Variants in ANKRD36C observed in about 807,000 individuals in gnomAD.
ANKRD36C encodes the protein ankyrin repeat domain-containing protein 36C.
A neutral mutation model predicts 276.4 loss-of-function variants in ANKRD36C; 61 were observed. The ratio of observed to expected loss-of-function variants is 0.22; its 90% CI spans 0.18 to 0.27. The LOEUF is 0.27. ANKRD36C is among the 10% of genes least tolerant of loss of function. The probability of loss-of-function intolerance (pLI) is 1.00; values close to 1 mark genes in which losing one functional copy is unlikely to be tolerated. For missense variants in ANKRD36C, 1,447 were observed against 2,032.3 expected (o/e 0.71, Z 5.54); for synonymous variants, 483 against 680.1 (o/e 0.71, Z 4.51).
rs575260668 is a variant in ANKRD36C at position 95,855,836 on chromosome 2, T to C, written c.4425A>G (p.Leu1475=). ...ATGAGTGACTTTGATCATGATCACA[T>C]AGAGCAGCATTCAGTCTACAACGGT... The change falls in exon 63 of 67, where the codon CTA becomes CTG. Residue 1475 remains leucine (L), a synonymous_variant. Transcript: ENST00000456556. 2.9e-5 allele frequency: 47 copies of C among 1,613,880 alleles called. No individual in the cohort carries two copies. The South Asian group carries it at 4.6e-4, about 16-fold the overall frequency.
At chr2:95,882,942 G>A (rs1443326916) in intron 54 of ANKRD36C, among the ~76,000 whole-genome samples, 2 of 152,094 alleles carry the variant, frequency 1.3e-5, no homozygotes, top group Non-Finnish European at 2.9e-5. Context: ...AACTTGCCTG[G>A]TAATTGAGGA....
chr2:95,970,387 A>G (rs1678673543), intron 6 of ANKRD36C, among the ~76,000 whole-genome samples: 1 of 152,200 alleles, frequency 6.6e-6, no homozygotes, highest in Admixed American at 6.5e-5. Flanking sequence ...CTCCCTTAAA[A>G]GCTTATCCAA....
chr2:95,927,636 G>A (rs1181073983), intron 26 of ANKRD36C, among the ~76,000 whole-genome samples: 1 of 151,502 alleles, frequency 6.6e-6, no homozygotes, highest in Non-Finnish European at 1.5e-5. Flanking sequence ...GGTATGATTC[G>A]TGATATGTCT....
chr2:95,944,748 T>G (rs1204587105), intron 18 of ANKRD36C, 54 bp from the exon 19 acceptor site: 3 of 1,525,624 alleles, frequency 2.0e-6, no homozygotes, highest in Non-Finnish European at 1.8e-6. Context: ...TAAGAATCAG[T>G]AAATAAGAAC....
At chr2:95,861,619 A>C (rs1675584928) in intron 60 of ANKRD36C, among the ~76,000 whole-genome samples, 1 of 151,996 alleles carries the variant, frequency 6.6e-6, no homozygotes, top group Non-Finnish European at 1.5e-5. Flanking sequence ...AAACCCAAAA[A>C]TATATATAAA....
intron 6 of ANKRD36C, among the ~76,000 whole-genome samples, chr2:95,967,449 C>A (rs774117179): frequency 3.9e-5 from 6 of 152,184 alleles, no homozygotes; most frequent in African/African-American, 9.7e-5. Flanking sequence ...TACCATCTCA[C>A]GCCATTTAGA....
At chr2:95,866,069 C>G (rs1448763289) in intron 60 of ANKRD36C, among the ~76,000 whole-genome samples, 2 of 152,142 alleles carry the variant, frequency 1.3e-5, no homozygotes, top group Admixed American at 1.3e-4. Flanking sequence ...GGTGTTGGAA[C>G]AATTGGCTGT....
chr2:95,947,734 G>A (rs1012817847), intron 17 of ANKRD36C, among the ~76,000 whole-genome samples: 2 of 152,068 alleles, frequency 1.3e-5, no homozygotes, highest in Non-Finnish European at 2.9e-5. Context: ...AGAGTTTAAA[G>A]TATACTCAAT....
intron 54 of ANKRD36C, among the ~76,000 whole-genome samples, chr2:95,882,814 G>C (rs888186938): frequency 7.9e-5 from 12 of 152,116 alleles, no homozygotes; most frequent in African/African-American, 2.9e-4. Context: ...AATCAGAGGA[G>C]CAACTCATAC....
chr2:95,957,032 T>C (rs1480605901), intron 12 of ANKRD36C, among the ~76,000 whole-genome samples: 1 of 151,640 alleles, frequency 6.6e-6, no homozygotes. Flanking sequence ...AAAAATCATG[T>C]AGGCAGGGCT....
chr2:95,889,673 T>C, intron 48 of ANKRD36C, 126 bp downstream of exon 68: 3 of 1,336,512 alleles, frequency 2.2e-6, no homozygotes, highest in Non-Finnish European at 3.1e-6. Context: ...TTATTACAAA[T>C]GAATAATCTC....
At chr2:95,920,148 C>G (rs1379849815) in intron 34 of ANKRD36C, among the ~76,000 whole-genome samples, 1 of 131,818 alleles carries the variant, frequency 7.6e-6, no homozygotes, top group Non-Finnish European at 1.7e-5. Context: ...TATGATTCAT[C>G]ATACGTCAAA....
At chr2:95,989,838 T>G (rs1185944575) in intron 1 of ANKRD36C, among the ~76,000 whole-genome samples, 1 of 152,212 alleles carries the variant, frequency 6.6e-6, no homozygotes, top group Non-Finnish European at 1.5e-5. Flanking sequence ...CTTTTTTAAC[T>G]TAAATACCTT....
chr2:95,913,968 G>C (rs1476858460), intron 40 of ANKRD36C, 140 bp downstream of exon 42: 2 of 940,948 alleles, frequency 2.1e-6, no homozygotes, highest in Non-Finnish European at 3.2e-6. Flanking sequence ...CATCACCCAA[G>C]AACTTATTTG....
chr2:95,890,053 C>T (rs1676302274), intron 46 of ANKRD36C, 59 bp from the exon 67 acceptor site: 2 of 1,566,688 alleles, frequency 1.3e-6, no homozygotes, highest in South Asian at 1.1e-5. Context: ...GTTATTCATA[C>T]ATTCATACAG....
chr2:95,870,947 G>A (rs573114344), intron 59 of ANKRD36C, among the ~76,000 whole-genome samples: 4 of 152,198 alleles, frequency 2.6e-5, no homozygotes, highest in Admixed American at 6.5e-5. Flanking sequence ...GAAATGAAAC[G>A]AGAAGGGAAG....
chr2:95,959,503 G>T (rs1678406983), intron 10 of ANKRD36C, among the ~76,000 whole-genome samples: 1 of 152,248 alleles, frequency 6.6e-6, no homozygotes, highest in Non-Finnish European at 1.5e-5. Flanking sequence ...ATCAAATTTG[G>T]CATACTTATA....
At position 95,978,868 on chromosome 2, in the gene ANKRD36C, T is replaced by C. The variant is rs560114909; in HGVS notation, c.732-679A>G. Among the ~76,000 whole-genome samples, 42 of 152,206 alleles carry C rather than the reference T, an allele frequency of 2.8e-4. No homozygotes were observed. The South Asian group carries it at 8.3e-3, about 30-fold the overall frequency. On this transcript the variant is annotated intron_variant, in intron 5 of 66. Transcript: ENST00000456556. ...TAGGTAACACGATTGTTAACTATTA[T>C]TGAGCTCATCAATTCCAAGGGCAGA...
intron 58 of ANKRD36C, among the ~76,000 whole-genome samples, chr2:95,878,345 T>C (rs2104316151): frequency 6.6e-6 from 1 of 152,350 alleles, no homozygotes; most frequent in Admixed American, 6.5e-5. Flanking sequence ...ATGAATGCTA[T>C]AACTTTTTGT....
Sources: gnomAD v4.1 joint callset for allele counts (sites outside exome capture counted in the v4.1 genomes callset) on GRCh38, gnomAD v4.1.1 for gene constraint, MANE v1.5 for transcripts, NCBI Gene and HGNC (gene_info 2026-07-23, HGNC 2026-07-21) for gene names.